The following CABIN1 variants were observed in gnomAD, a reference collection of about 807,000 sequenced individuals.
The protein encoded by CABIN1 is calcineurin binding protein 1.
A neutral mutation model predicts 227.7 loss-of-function variants in CABIN1; 133 were observed. That is an observed-to-expected ratio of 0.58 (90% CI 0.51 to 0.67). CABIN1 has a LOEUF of 0.67. Among genes scored for constraint, CABIN1 ranks in the 30% least tolerant of loss-of-function variants. CABIN1 has a pLI of 0.00. For missense variants in CABIN1, 2,408 were observed against 2,852.5 expected, an observed-to-expected ratio of 0.84 and a Z score of 3.55; for synonymous variants, 1,086 against 1,155.1, an observed-to-expected ratio of 0.94 and a Z score of 1.21.
At chr22:24,097,927 G>A (rs2147376471) in intron 25 of CABIN1, 87 bp from the exon 26 acceptor site, 7 of 1,552,074 alleles carry the variant, frequency 4.5e-6, no homozygotes, top group Non-Finnish European at 6.2e-6. Context: ...AGTGGGCCCT[G>A]GGAAGGGCAT....
chr22:24,082,233 G>T (rs1354059020), intron 19 of CABIN1, among the ~76,000 whole-genome samples: 1 of 151,978 alleles, frequency 6.6e-6, no homozygotes, highest in East Asian at 1.9e-4. Flanking sequence ...GGGACTACAG[G>T]TGTGCACCAT....
At chr22:24,140,560 T>C (rs1239280655) in intron 29 of CABIN1, among the ~76,000 whole-genome samples, 2 of 152,252 alleles carry the variant, frequency 1.3e-5, no homozygotes, top group African/African-American at 2.4e-5. Flanking sequence ...CAGGCTGCTT[T>C]GTCCAGGGTG....
At chr22:24,014,670 C>G (rs2035105116) in intron 1 of CABIN1, among the ~76,000 whole-genome samples, 1 of 152,142 alleles carries the variant, frequency 6.6e-6, no homozygotes, top group South Asian at 2.1e-4. Context: ...CCCCCTGCAT[C>G]CTAGCTGATT....
intron 26 of CABIN1, among the ~76,000 whole-genome samples, chr22:24,099,942 G>GC (rs1204437575): frequency 6.6e-6 from 1 of 152,228 alleles, no homozygotes; most frequent in Non-Finnish European, 1.5e-5. Context: ...CAGAAAGGGG[G>GC]CCATGATGCC....
chr22:24,094,065 T>G (rs767847406), intron 24 of CABIN1, among the ~76,000 whole-genome samples: 1 of 152,202 alleles, frequency 6.6e-6, no homozygotes, highest in African/African-American at 2.4e-5. Context: ...GGCAGGTGCC[T>G]TGGAAGAACT....
chr22:24,072,205 T>G, intron 17 of CABIN1, 149 bp from the exon 18 acceptor site: 2 of 731,864 alleles, frequency 2.7e-6, no homozygotes, highest in Non-Finnish European at 4.8e-6. Flanking sequence ...ATGCTGAGGA[T>G]CTGCTAGGTT....
intron 19 of CABIN1, among the ~76,000 whole-genome samples, chr22:24,080,408 A>G (rs564944998): frequency 1.3e-5 from 2 of 152,204 alleles, no homozygotes; most frequent in South Asian, 2.1e-4. Flanking sequence ...GTTTTATGAT[A>G]TCCAACCCCC....
rs150689358 is a variant in CABIN1, at chr22:24,087,579, C to A, written c.3391C>A (p.Arg1131=). 6.8e-6 allele frequency: 11 copies of A among 1,614,052 alleles called. No individual in the cohort carries two copies. In the African/African-American group the frequency reaches 9.3e-5, roughly 14 times the overall value. ...CACGCCCGTCTTGAACTGCTTCCGT[C>A]GGGCCCTGGAGATTGACAGCTCCAA... ...HATPVLNCFR[R]ALEIDSSNLS... is the part of the protein sequence containing the mutation. Residue 1131 remains arginine, a synonymous_variant, in exon 23 of 37, where the codon CGG becomes AGG. Coordinates refer to ENST00000263119, the MANE Select transcript of CABIN1 (RefSeq NM_012295.4).
chr22:24,175,896 G>T (rs1180674507), intron 34 of CABIN1: 34 of 642,596 alleles, frequency 5.3e-5, no homozygotes, highest in Middle Eastern at 8.2e-4. Context: ...AGCCCTCTGG[G>T]GGTGGGGAGC....
rs1186339334 is a variant in CABIN1, at chr22:24,171,864, T to C, written c.5909T>C (p.Leu1970Pro). 5.5e-5 allele frequency: 89 copies of C among 1,613,962 alleles called. No homozygotes were observed. Among genetic ancestry groups the C allele is most frequent in the Non-Finnish European group, 6.9e-5 (82 of 1,180,036 alleles). ...GCTCACACCAAGCCTCGCCCTGCAC[T>C]AGCTGCCGCCACAACTATTATCACC... ...SDAHTKPRPALAAATTIITCP... is the reference protein window; with the variant it reads ...SDAHTKPRPAPAAATTIITCP... The change falls in exon 34 of 37, where the codon CTA (leucine) becomes CCA (proline). Residue 1970 changes from leucine (L) to proline (P), a missense_variant. Transcript: ENST00000263119.
rs530684150 is a variant in CABIN1, at chr22:24,035,886, C to G, written c.4-203C>G. Among the ~76,000 whole-genome samples the G allele has an allele frequency of 1.6e-4, 23 of 140,492 alleles. No individual in the cohort carries two copies. The East Asian group carries it at 5.0e-3, about 31-fold the overall frequency. The allele number at this position is 140,492 out of a possible 152,430, so 92.2% of individuals were successfully genotyped here. Reference sequence around the variant, plus strand: ...GCACAGATTGGCATAACCCTCCCCCCTCGGCCCCCCACCCCCCGCCCTTCT... The same window carrying G: ...GCACAGATTGGCATAACCCTCCCCCGTCGGCCCCCCACCCCCCGCCCTTCT... On this transcript the variant is annotated intron_variant, in intron 2 of 36. Transcript: ENST00000263119.
At chr22:24,018,841 A>C (rs115464958) in intron 1 of CABIN1, among the ~76,000 whole-genome samples, 3,900 of 152,172 alleles carry the variant, frequency 0.026, 159 homozygotes, top group African/African-American at 0.089. Context: ...TGAATGTATA[A>C]ATTAACTTGG....
At chr22:24,062,813 C>A in intron 13 of CABIN1, 146 bp from the exon 14 acceptor site, 1 of 798,276 alleles carries the variant, frequency 1.3e-6, no homozygotes. Context: ...TGATGCCTGC[C>A]ACTCAGGGAG....
At chr22:24,145,899 A>G (rs192668957) in intron 29 of CABIN1, among the ~76,000 whole-genome samples, 29 of 152,308 alleles carry the variant, frequency 1.9e-4, no homozygotes, top group African/African-American at 5.3e-4. Context: ...TTCCTGGGGT[A>G]TCCCCATGAT....
Position 24,176,149 on chromosome 22 carries a change from T to G in CABIN1, c.6079T>G (p.Phe2027Val). 6.2e-7 allele frequency: 1 copy of G among 1,610,660 alleles called. No individual in the cohort carries two copies. The highest frequency in any genetic ancestry group is 8.5e-7 in the Non-Finnish European group (1 of 1,179,108). The part of the protein sequence containing the change: ...ELARVAEGTS[F>V]PPQEPRHSPQ... ...GGCGAGAGTGGCAGAGGGCACCAGC[T>G]TCCCGCCTCAGGAGCCACGGCACAG... Residue 2027 changes from phenylalanine to valine, a missense_variant, in exon 35 of 37, where the codon TTC becomes GTC. By Grantham distance (50) the Phe-to-Val change is conservative. Around this residue, in one of 3 missense-constraint regions of CABIN1, gnomAD observed 714 missense variants for 773.8 expected, o/e 0.92. Coordinates refer to ENST00000263119, the MANE Select transcript of CABIN1 (RefSeq NM_012295.4).
At chr22:24,115,493 T>C (rs1269175718) in intron 27 of CABIN1, among the ~76,000 whole-genome samples, 2 of 152,232 alleles carry the variant, frequency 1.3e-5, no homozygotes, top group Non-Finnish European at 2.9e-5. Flanking sequence ...TGCTCCTCTC[T>C]AAGCCCAGCT....
chr22:24,099,983 T>G (rs2147436238), intron 26 of CABIN1, among the ~76,000 whole-genome samples: 1 of 152,346 alleles, frequency 6.6e-6, no homozygotes, highest in South Asian at 2.1e-4. Flanking sequence ...TATGTGTGCA[T>G]GAAGCTGTTG....
In CABIN1 at chr22:24,055,168, G is replaced by A. The variant is rs1430461528; in HGVS notation, c.1093+9G>A. 6.8e-6 allele frequency: 11 copies of A among 1,608,234 alleles called. No homozygotes were observed. Among genetic ancestry groups the A allele is most frequent in the Non-Finnish European group, 9.3e-6 (11 of 1,179,986 alleles). ...GACAGGCGCTCCTGTGGGTAAGCAGGCCCCCTGAATTTGGCTTCCGGGGAG... is the reference window on the plus strand; with the variant it reads ...GACAGGCGCTCCTGTGGGTAAGCAGACCCCCTGAATTTGGCTTCCGGGGAG... On this transcript the variant is annotated intron_variant, in intron 9 of 36. Coordinates refer to ENST00000263119, the MANE Select transcript of CABIN1 (RefSeq NM_012295.4).
intron 28 of CABIN1, among the ~76,000 whole-genome samples, chr22:24,129,675 G>C (rs2043949716): frequency 6.6e-6 from 1 of 152,242 alleles, no homozygotes. Flanking sequence ...TAGAGAAGTA[G>C]GGGCAGACAG....
Sources: allele counts gnomAD v4.1 joint callset (sites outside exome capture counted in the v4.1 genomes callset), GRCh38; gene constraint gnomAD v4.1.1; regional missense constraint gnomAD v4.1.1; transcripts MANE v1.5; gene names NCBI Gene and HGNC (gene_info 2026-07-23, HGNC 2026-07-21).